ATP2C2: variants seen among roughly 807,000 people sequenced by gnomAD.
ATP2C2 encodes calcium-transporting ATPase type 2C member 2.
A neutral mutation model predicts 110.8 loss-of-function variants in ATP2C2; 171 were observed. The observed-to-expected ratio is 1.54, with a 90% CI of 1.36 to 1.75. The LOEUF (loss-of-function observed/expected upper bound fraction) is 1.75, where lower values mean the gene tolerates loss of function less well. Among genes scored for constraint, ATP2C2 ranks in the 40% most tolerant of loss-of-function variants. ATP2C2 has a pLI of 0.00. For missense variants in ATP2C2, 1,963 were observed against 1,235.0 expected (o/e 1.59, Z -8.84); for synonymous variants, 804 against 508.4 (o/e 1.58, Z -7.82).
At chr16:84,385,583 G>A (rs1904308145) in intron 1 of ATP2C2, among the ~76,000 whole-genome samples, 1 of 152,194 alleles carries the variant, frequency 6.6e-6, no homozygotes, top group Non-Finnish European at 1.5e-5. Flanking sequence ...CCACTCTCAT[G>A]CTGCTATGAA....
chr16:84,419,721 G>T (rs1207397287), intron 7 of ATP2C2, among the ~76,000 whole-genome samples: 3 of 152,030 alleles, frequency 2.0e-5, no homozygotes, highest in South Asian at 4.2e-4. Context: ...CACCTACTAC[G>T]TATGAGGCCC....
chr16:84,433,888 C>G (rs1908509581), intron 11 of ATP2C2, among the ~76,000 whole-genome samples: 1 of 152,168 alleles, frequency 6.6e-6, no homozygotes, highest in Non-Finnish European at 1.5e-5. Context: ...TTGTCCTAAC[C>G]TCCCTTGCAG....
In ATP2C2 at chr16:84,408,490, C is replaced by G; in HGVS notation, c.413C>G (p.Ala138Gly). Reference sequence around the variant, plus strand: ...GAGTATGAGGACGCCGTCAGCATCGCCACGGTGAGTTCCCTGACAGCGCTC... The same window carrying G: ...GAGTATGAGGACGCCGTCAGCATCGGCACGGTGAGTTCCCTGACAGCGCTC... ...TKEYEDAVSI[A>G]TAVLVVVTVA... Residue 138 changes from alanine to glycine, a missense_variant, in exon 4 of 27, where the codon GCC becomes GGC. Ala to Gly is a moderately conservative substitution (Grantham distance 60, BLOSUM62 0). Transcript: ENST00000262429. 1.2e-6 allele frequency: 2 copies of G among 1,612,798 alleles called. No homozygotes were observed. Among genetic ancestry groups the G allele is most frequent in the Non-Finnish European group, 1.7e-6 (2 of 1,179,834 alleles).
chr16:84,393,144 C>T (rs1257126447), intron 1 of ATP2C2, among the ~76,000 whole-genome samples: 1 of 152,200 alleles, frequency 6.6e-6, no homozygotes, highest in Non-Finnish European at 1.5e-5. Context: ...GGATGGGGGC[C>T]GTACCAGAGT....
At chr16:84,426,014 A>C (rs1324070876) in intron 11 of ATP2C2, 1 of 584,414 alleles carries the variant, frequency 1.7e-6, no homozygotes, top group Admixed American at 3.0e-5. Flanking sequence ...CAAATGATCC[A>C]GGGTGTCCCT....
At chr16:84,398,008 G>T (rs1299509212) in intron 1 of ATP2C2, among the ~76,000 whole-genome samples, 1 of 151,808 alleles carries the variant, frequency 6.6e-6, no homozygotes, top group Non-Finnish European at 1.5e-5. Flanking sequence ...GAGCATCAGG[G>T]GACCAGTCAT....
intron 7 of ATP2C2, among the ~76,000 whole-genome samples, chr16:84,420,380 C>G (rs1301815770): frequency 1.3e-5 from 2 of 152,144 alleles, no homozygotes; most frequent in African/African-American, 4.8e-5. Flanking sequence ...CCCCATGTGC[C>G]TCCTCTCTTC....
intron 2 of ATP2C2, among the ~76,000 whole-genome samples, chr16:84,399,950 TC>T: frequency 6.6e-6 from 1 of 152,314 alleles, no homozygotes; most frequent in South Asian, 2.1e-4. Context: ...TCCTACTATC[TC>T]CATGAGTTCA....
At chr16:84,396,999 T>C (rs1322287607) in intron 1 of ATP2C2, among the ~76,000 whole-genome samples, 1 of 151,806 alleles carries the variant, frequency 6.6e-6, no homozygotes, top group Non-Finnish European at 1.5e-5. Context: ...GGATTTGCAA[T>C]CTCTATTACA....
In ATP2C2 at chr16:84,368,699, C is replaced by T; in HGVS notation, c.84C>T (p.Asp28=). 1 of 1,548,272 alleles carries T rather than the reference C, an allele frequency of 6.5e-7. No homozygotes were observed. The highest frequency in any genetic ancestry group is 8.7e-7 in the Non-Finnish European group (1 of 1,150,116). Residue 28 remains aspartate, a synonymous_variant, in exon 1 of 27, where the codon GAC becomes GAT. Transcript: ENST00000262429. ...GGRQYQALEK[D]EEEALIDEQS... is the part of the protein sequence containing the mutation. ...GCCAGTACCAGGCGCTGGAGAAGGA[C>T]GAAGAGGAAGCCTTGGTGAGTCCCC...
intron 2 of ATP2C2, among the ~76,000 whole-genome samples, chr16:84,399,420 G>C (rs925110620): frequency 6.6e-6 from 1 of 152,138 alleles, no homozygotes; most frequent in Admixed American, 6.5e-5. Context: ...AATCAATTCT[G>C]TTCTCCCCGT....
intron 1 of ATP2C2, among the ~76,000 whole-genome samples, chr16:84,377,887 G>A (rs961272249): frequency 2.6e-5 from 4 of 152,156 alleles, no homozygotes; most frequent in Admixed American, 6.5e-5. Flanking sequence ...CACCTCTGCC[G>A]TCTGCCCCAA....
chr16:84,430,072 C>G (rs1433214116), intron 11 of ATP2C2, among the ~76,000 whole-genome samples: 3 of 152,132 alleles, frequency 2.0e-5, no homozygotes, highest in Non-Finnish European at 4.4e-5. Context: ...GGTGGATACT[C>G]TAATGACCCC....
At chr16:84,379,383 C>T (rs957434771) in intron 1 of ATP2C2, among the ~76,000 whole-genome samples, 1 of 152,170 alleles carries the variant, frequency 6.6e-6, no homozygotes, top group East Asian at 1.9e-4. Context: ...CTAGGCTGGT[C>T]TTGAACTCCT....
chr16:84,460,584 A>C, intron 23 of ATP2C2, 70 bp from the exon 24 acceptor site: 6 of 1,596,866 alleles, frequency 3.8e-6, no homozygotes, highest in Non-Finnish European at 4.3e-6. Flanking sequence ...AGGCTCAGGC[A>C]CAGCTGTTTC....
intron 15 of ATP2C2, 119 bp downstream of exon 15, chr16:84,442,718 A>C (rs1909385294): frequency 1.0e-6 from 1 of 995,810 alleles, no homozygotes; most frequent in Non-Finnish European, 1.6e-6. Context: ...TCATGGAAGA[A>C]AATGGCCCAC....
At chr16:84,448,501 A>T in intron 16 of ATP2C2, 32 bp from the exon 17 acceptor site, 1 of 1,590,324 alleles carries the variant, frequency 6.3e-7, no homozygotes, top group Non-Finnish European at 8.6e-7. Flanking sequence ...GCTTCCAGTG[A>T]TAGTGGATTT....
intron 1 of ATP2C2, among the ~76,000 whole-genome samples, chr16:84,393,754 G>C (rs1904801660): frequency 6.6e-6 from 1 of 151,660 alleles, no homozygotes; most frequent in Non-Finnish European, 1.5e-5. Flanking sequence ...TGGGGGGAGT[G>C]GGGGTGGAGG....
chr16:84,451,515 C>T (rs1480348944), intron 17 of ATP2C2, among the ~76,000 whole-genome samples: 1 of 152,218 alleles, frequency 6.6e-6, no homozygotes, highest in Non-Finnish European at 1.5e-5. Context: ...CCTCTGCAGA[C>T]CGAGGAGGAT....
Sources: gnomAD v4.1 joint callset for allele counts (sites outside exome capture counted in the v4.1 genomes callset) on GRCh38, gnomAD v4.1.1 for gene constraint, MANE v1.5 for transcripts, NCBI Gene and HGNC (gene_info 2026-07-23, HGNC 2026-07-21) for gene names.